The following C18orf63 variants were observed in gnomAD, a reference collection of about 807,000 sequenced individuals.
The protein encoded by C18orf63 is chromosome 18 open reading frame 63.
A neutral mutation model predicts 75.3 loss-of-function variants in C18orf63; 50 were observed. The ratio of observed to expected loss-of-function variants is 0.66; its 90% CI spans 0.53 to 0.84. The LOEUF is 0.84. C18orf63 is among the 40% of genes least tolerant of loss of function. C18orf63 has a pLI of 0.00. For synonymous variants in C18orf63, 232 were observed against 267.6 expected (o/e 0.87, Z 1.30); for missense variants, 732 against 800.2 (o/e 0.91, Z 1.03).
rs747101883 is a variant in C18orf63 at position 74,353,335 on chromosome 18, TCA to T, written c.1069_1070del (p.Gln357LysfsTer38). ...QATSRKPACA[Q>X]SLLPCSVAVD... ...CCACTTCCAGAAAGCCTGCCTGTGC[TCA>T]AAGTCTTCTACCATGTTCAGTAGCA... On this transcript the variant is annotated frameshift_variant, in exon 12 of 14. Coordinates refer to ENST00000579455, the MANE Select transcript of C18orf63 (RefSeq NM_001174123.2). LOFTEE classifies it high-confidence loss of function. The T allele has an allele frequency of 4.6e-6, 7 of 1,536,420 alleles. No homozygotes were observed. The African/African-American group carries it at 8.2e-5, about 18-fold the overall frequency.
chr18:74,331,079 TATTA>T, intron 7 of C18orf63, 137 bp downstream of exon 7: 1 of 371,620 alleles, frequency 2.7e-6, no homozygotes, highest in Non-Finnish European at 4.7e-6. Flanking sequence ...AAATCTGTAT[TATTA>T]AATGCTTGAT....
chr18:74,333,253 C>T (rs1021129468), intron 7 of C18orf63, among the ~76,000 whole-genome samples: 7 of 152,146 alleles, frequency 4.6e-5, no homozygotes, highest in African/African-American at 1.7e-4. Flanking sequence ...ACCAGGCACT[C>T]GTTCTGATAT....
intron 11 of C18orf63, among the ~76,000 whole-genome samples, chr18:74,350,622 T>C (rs546651462): frequency 6.6e-6 from 1 of 152,184 alleles, no homozygotes; most frequent in South Asian, 2.1e-4. Context: ...GCTCTAAAAC[T>C]GAGATAATAT....
Position 74,354,128 on chromosome 18 carries a change from G to A in C18orf63, c.1861G>A (p.Gly621Ser). Residue 621 changes from glycine (G) to serine (S), a missense_variant, in exon 12 of 14, where the codon GGT becomes AGT. This residue lies in a region of C18orf63 where 495 missense variants were observed against 508.7 expected (regional missense o/e 0.97). Transcript: ENST00000579455. ...ATCAGAAAATCAAGCTAAAGAAGTT[G>A]GTACAAGTGACCACAGGTTGATAGT... Reference protein sequence around the residue: ...QQSENQAKEVGTSDHRLIVSK... With the variant: ...QQSENQAKEVSTSDHRLIVSK... The A allele has an allele frequency of 1.3e-6, 2 of 1,536,148 alleles. No individual in the cohort carries two copies. Among genetic ancestry groups the A allele is most frequent in the Non-Finnish European group, 1.7e-6 (2 of 1,146,926 alleles).
chr18:74,342,981 T>C (rs185298620), intron 10 of C18orf63, among the ~76,000 whole-genome samples: 55 of 152,262 alleles, frequency 3.6e-4, no homozygotes, highest in Admixed American at 2.2e-3. Flanking sequence ...GCCAAACTTA[T>C]TTTAATAGTA....
intron 4 of C18orf63, among the ~76,000 whole-genome samples, chr18:74,324,966 C>A (rs148790934): frequency 8.6e-4 from 131 of 152,194 alleles, no homozygotes; most frequent in African/African-American, 3.1e-3. Context: ...CTCAGTTTTT[C>A]TTTATATGAA....
intron 1 of C18orf63, among the ~76,000 whole-genome samples, chr18:74,316,380 G>A (rs911408781): frequency 6.6e-6 from 1 of 152,194 alleles, no homozygotes. Context: ...TCTCACAGAA[G>A]CCAGGCCGGA....
Position 74,317,982 on chromosome 18 carries a change from A to G in C18orf63, c.117A>G (p.Ile39Met), listed in dbSNP as rs1173540355. 1 of 1,502,446 alleles carries G rather than the reference A, an allele frequency of 6.7e-7. No individual in the cohort carries two copies. The highest frequency in any genetic ancestry group is 1.3e-5 in the South Asian group (1 of 76,616). The allele number at this position is 1,502,446 out of a possible 1,614,324, so 93.1% of individuals were successfully genotyped here. ...NKVADTEIRT[I>M]QMKMCRQLLF... ...TGGCAGATACTGAGATTAGGACTAT[A>G]CAAATGAAGATGTGCAGGTAAAAAA... Residue 39 changes from isoleucine (I) to methionine (M), a missense_variant, in exon 2 of 14, where the codon ATA becomes ATG. By Grantham distance (10) the Ile-to-Met change is conservative (BLOSUM62 1). This residue lies in a region of C18orf63 where 233 missense variants were observed against 272.7 expected (regional missense o/e 0.85). Transcript: ENST00000579455.
At chr18:74,340,094 G>A (rs1984454705) in intron 8 of C18orf63, among the ~76,000 whole-genome samples, 1 of 152,122 alleles carries the variant, frequency 6.6e-6, no homozygotes, top group African/African-American at 2.4e-5. Flanking sequence ...GAAAATATTT[G>A]TAAACCATAC....
chr18:74,335,610 G>A (rs1310478645), intron 7 of C18orf63, among the ~76,000 whole-genome samples: 1 of 152,060 alleles, frequency 6.6e-6, no homozygotes, highest in South Asian at 2.1e-4. Context: ...TTTCAGAAAA[G>A]CATTATGTAA....
At chr18:74,339,247 T>G (rs1020917601) in intron 8 of C18orf63, among the ~76,000 whole-genome samples, 3 of 152,042 alleles carry the variant, frequency 2.0e-5, no homozygotes, top group Non-Finnish European at 4.4e-5. Context: ...GGGATAAAAT[T>G]TTAAATTGCT....
chr18:74,330,844 C>T lies in C18orf63; in HGVS notation c.425-22C>T, dbSNP rs919271540. ...TAGAGTAATAATTCCAGGTAGTTCACAGTTAAATATTTTATTTTCAGTATT... is the reference window on the plus strand; with the variant it reads ...TAGAGTAATAATTCCAGGTAGTTCATAGTTAAATATTTTATTTTCAGTATT... On this transcript the variant is annotated intron_variant, in intron 6 of 13. Coordinates refer to ENST00000579455, the MANE Select transcript of C18orf63 (RefSeq NM_001174123.2). The T allele has an allele frequency of 6.4e-5, 58 of 902,250 alleles. No individual in the cohort carries two copies. The Admixed American group carries it at 1.4e-3, about 22-fold the overall frequency. The allele number at this position is 902,250 out of a possible 1,614,324, so 55.9% of individuals were successfully genotyped here.
At position 74,353,381 on chromosome 18, in the gene C18orf63, C is replaced by T. The variant is rs1984703323; in HGVS notation, c.1114C>T (p.Leu372Phe). The change falls in exon 12 of 14, where the codon CTT (leucine) becomes TTT (phenylalanine). Residue 372 changes from leucine to phenylalanine, a missense_variant. This residue lies in a region of C18orf63 where 495 missense variants were observed against 508.7 expected (regional missense o/e 0.97). Transcript: ENST00000579455. ...AGTAGCAGTGGACCACAAGGTGGAG[C>T]TTTCAGTCAGCCAGCCAACATCAGG... is the stretch of plus-strand genomic sequence containing the variant. The part of the protein sequence containing the change: ...CSVAVDHKVE[L>F]SVSQPTSGIF... 6.5e-7 allele frequency: 1 copy of T among 1,536,238 alleles called. No homozygotes were observed. Among genetic ancestry groups the T allele is most frequent in the Admixed American group, 2.0e-5 (1 of 50,964 alleles).
chr18:74,330,881 T>C lies in C18orf63; in HGVS notation c.440T>C (p.Val147Ala), dbSNP rs751871769. 7.0e-7 allele frequency: 1 copy of C among 1,422,790 alleles called. No individual in the cohort carries two copies. 88.1% of individuals were successfully genotyped at this position (1,422,790 alleles called of 1,614,324 possible). A position where few individuals can be genotyped will look rare whatever the true frequency, so the allele number is the denominator to read the frequency against. Residue 147 changes from valine to alanine, a missense_variant, in exon 7 of 14, where the codon GTA (valine) becomes GCA (alanine). Val to Ala is a moderately conservative substitution (Grantham distance 64, BLOSUM62 0). Transcript: ENST00000579455. ...KQSAVVLNIN[V>A]TETQVCLSIE... ...TTATTTTCAGTATTAAACATCAATG[T>C]AACAGAAACTCAAGTTTGTCTAAGT...
At position 74,357,405 on chromosome 18, in the gene C18orf63, A is replaced by G. The variant is rs906954014; in HGVS notation, c.*958A>G. ...GTCCATATTACAAATAAATTATCTA[A>G]CATTTGAAAAAAAGAGAAACAGAAG... On this transcript the variant is annotated 3_prime_UTR_variant, in exon 14 of 14. Coordinates refer to ENST00000579455, the MANE Select transcript of C18orf63 (RefSeq NM_001174123.2). 1.3e-5 allele frequency: 2 copies of G among 152,188 alleles called. No individual in the cohort carries two copies. The highest frequency in any genetic ancestry group is 1.9e-4 in the East Asian group (1 of 5,204). The allele number at this position is 152,188 out of a possible 1,614,324, so 9.4% of individuals were successfully genotyped here. A position where few individuals can be genotyped will look rare whatever the true frequency, so the allele number is the denominator to read the frequency against.
intron 11 of C18orf63, among the ~76,000 whole-genome samples, chr18:74,344,058 T>C (rs1984532057): frequency 6.6e-6 from 1 of 152,080 alleles, no homozygotes; most frequent in African/African-American, 2.4e-5. Flanking sequence ...GTAAGATGCC[T>C]GCCCCTCACC....
chr18:74,347,324 A>G (rs1420589615), intron 11 of C18orf63, among the ~76,000 whole-genome samples: 1 of 152,212 alleles, frequency 6.6e-6, no homozygotes, highest in African/African-American at 2.4e-5. Flanking sequence ...GAAGTCAAAA[A>G]CAAAGCAGAC....
rs1236148792 is a variant in C18orf63 at position 74,357,913 on chromosome 18, T to C, written c.*1466T>C. 6.6e-6 allele frequency: 1 copy of C among 152,170 alleles called. No individual in the cohort carries two copies. The highest frequency in any genetic ancestry group is 1.5e-5 in the Non-Finnish European group (1 of 68,036). The allele number at this position is 152,170 out of a possible 1,614,324, so 9.4% of individuals were successfully genotyped here. A position where few individuals can be genotyped will look rare whatever the true frequency, so the allele number is the denominator to read the frequency against. On this transcript the variant is annotated 3_prime_UTR_variant, in exon 14 of 14. Transcript: ENST00000579455. ...TCTAGTAGACTGTTATAAAGAGTGG[T>C]ATGTCATTTTGTTTATGAGGCTATG...
intron 8 of C18orf63, among the ~76,000 whole-genome samples, chr18:74,341,207 C>T (rs1900153626): frequency 1.6e-5 from 2 of 126,128 alleles, no homozygotes; most frequent in Non-Finnish European, 3.1e-5. Flanking sequence ...GAGCTTGCAG[C>T]TTGCAGTGAG....
Sources: allele counts gnomAD v4.1 joint callset (sites outside exome capture counted in the v4.1 genomes callset), GRCh38; gene constraint gnomAD v4.1.1; regional missense constraint gnomAD v4.1.1; transcripts MANE v1.5; gene names NCBI Gene and HGNC (gene_info 2026-07-23, HGNC 2026-07-21).